SPAG16: variants seen among roughly 807,000 people sequenced by gnomAD.
SPAG16 encodes sperm associated antigen 16, also known as sperm-associated antigen 16 protein.
Under a neutral mutation model 80.4 loss-of-function variants are expected in SPAG16, and 86 were observed. The observed-to-expected ratio is 1.07, with a 90% CI of 0.90 to 1.28. SPAG16 has a LOEUF of 1.28. SPAG16 is among the 50% of genes most tolerant of loss of function. The pLI is 0.00. For synonymous variants in SPAG16, 294 were observed against 265.9 expected (o/e 1.11, Z -1.03); for missense variants, 870 against 765.3 (o/e 1.14, Z -1.61).
chr2:213,862,564 T>G lies in SPAG16; in HGVS notation c.1150T>G (p.Cys384Gly). The change falls in exon 11 of 16, where the codon TGC (cysteine) becomes GGC (glycine). Residue 384 changes from cysteine to glycine, a missense_variant. Cys to Gly is a radical substitution (Grantham distance 159, BLOSUM62 -3). Transcript: ENST00000331683. ...RLWKVLGLPK[C>G]NVLLTGFGHT... ...CTGGAAGGTGTTGGGCCTTCCAAAA[T>G]GCAATGTGCTTCTCACGGGATTTGG... 1.9e-6 allele frequency: 3 copies of G among 1,614,198 alleles called. No individual in the cohort carries two copies. Among genetic ancestry groups the G allele is most frequent in the Non-Finnish European group, 2.5e-6 (3 of 1,180,014 alleles).
At chr2:213,341,792 C>T (rs908178549) in intron 6 of SPAG16, among the ~76,000 whole-genome samples, 2 of 152,090 alleles carry the variant, frequency 1.3e-5, no homozygotes, top group Non-Finnish European at 1.5e-5. Flanking sequence ...CCTCTCAGAT[C>T]GGCCTCCCAA....
chr2:214,164,168 A>G (rs2056561358), intron 15 of SPAG16, among the ~76,000 whole-genome samples: 1 of 152,146 alleles, frequency 6.6e-6, no homozygotes, highest in Admixed American at 6.6e-5. Flanking sequence ...ATGAAAAAAT[A>G]TATCTGCTCT....
chr2:213,968,734 T>C (rs1335028181), intron 12 of SPAG16, among the ~76,000 whole-genome samples: 1 of 152,234 alleles, frequency 6.6e-6, no homozygotes, highest in Non-Finnish European at 1.5e-5. Context: ...AATCATTTCT[T>C]GATTTCTATG....
intron 15 of SPAG16, among the ~76,000 whole-genome samples, chr2:214,339,770 A>G (rs558141523): frequency 2.0e-5 from 3 of 152,316 alleles, no homozygotes; most frequent in Admixed American, 6.5e-5. Context: ...CAATTTGGGC[A>G]GAACTTGTGA....
intron 13 of SPAG16, among the ~76,000 whole-genome samples, chr2:214,029,392 A>G (rs1029721278): frequency 7.2e-5 from 11 of 152,018 alleles, no homozygotes; most frequent in African/African-American, 2.7e-4. Context: ...GATGACTGGC[A>G]TTTACTCAGG....
chr2:214,017,114 T>C (rs2047628988), intron 13 of SPAG16, among the ~76,000 whole-genome samples: 1 of 152,144 alleles, frequency 6.6e-6, no homozygotes, highest in Non-Finnish European at 1.5e-5. Context: ...ACTTCACATG[T>C]TGCAGAGATT....
rs982590211 is a variant in SPAG16 at position 214,191,414 on chromosome 2, T to C, written c.1720+42148T>C. 2.0e-5 allele frequency among the ~76,000 whole-genome samples: 3 copies of C among 151,684 alleles called. 1 individual carries two copies. The highest frequency in any genetic ancestry group is 4.4e-5 in the Non-Finnish European group (3 of 67,862). ...AAAGTGTGATGATGAAAACAGAAGT[T>C]AGAAAGGAAAAACCAGGGCCGGGCA... On this transcript the variant is annotated intron_variant, in intron 15 of 15. Transcript: ENST00000331683.
chr2:213,379,513 C>T (rs2067055622), intron 9 of SPAG16, among the ~76,000 whole-genome samples: 1 of 152,206 alleles, frequency 6.6e-6, no homozygotes, highest in African/African-American at 2.4e-5. Context: ...AGAGGCAATG[C>T]TGTGTGGAAC....
chr2:214,130,843 C>T (rs2054729239), intron 14 of SPAG16, among the ~76,000 whole-genome samples: 1 of 152,148 alleles, frequency 6.6e-6, no homozygotes, highest in South Asian at 2.1e-4. Flanking sequence ...AGGGAGAATG[C>T]ATCAATTTCA....
intron 5 of SPAG16, among the ~76,000 whole-genome samples, chr2:213,334,197 A>G (rs892795550): frequency 2.0e-5 from 3 of 152,252 alleles, no homozygotes; most frequent in African/African-American, 7.2e-5. Context: ...GCAAACAGGT[A>G]TATGAGAAGG....
intron 3 of SPAG16, 43 bp from the exon 4 acceptor site, chr2:213,310,016 C>T (rs529124142): frequency 6.3e-5 from 80 of 1,262,522 alleles, no homozygotes; most frequent in Non-Finnish European, 8.7e-5. Flanking sequence ...TTAATTAATG[C>T]TTTGATGTTT....
At chr2:213,597,025 C>A (rs60038353) in intron 10 of SPAG16, among the ~76,000 whole-genome samples, 2,284 of 152,212 alleles carry the variant, frequency 0.015, 98 homozygotes, top group East Asian at 0.11. Flanking sequence ...AAAGACATTA[C>A]AAGACACCAA....
intron 15 of SPAG16, among the ~76,000 whole-genome samples, chr2:214,266,205 G>A (rs768951406): frequency 2.0e-5 from 3 of 151,846 alleles, no homozygotes; most frequent in Non-Finnish European, 4.4e-5. Context: ...CTAGGGTAGC[G>A]AAGAGGCAGC....
At chr2:213,473,096 C>G (rs1247411815) in intron 9 of SPAG16, among the ~76,000 whole-genome samples, 3 of 152,160 alleles carry the variant, frequency 2.0e-5, no homozygotes, top group Non-Finnish European at 4.4e-5. Context: ...TTTGTCCCTT[C>G]TACGTAGAAG....
intron 8 of SPAG16, chr2:213,364,433 A>C (rs1222115633): frequency 5.6e-6 from 1 of 177,854 alleles, no homozygotes; most frequent in Non-Finnish European, 1.2e-5. Context: ...CTGTAAGATC[A>C]GACAACTACT....
chr2:213,985,619 A>C (rs982098143), intron 12 of SPAG16, among the ~76,000 whole-genome samples: 1 of 152,128 alleles, frequency 6.6e-6, no homozygotes, highest in Non-Finnish European at 1.5e-5. Context: ...CAAAAGCATC[A>C]AAGTCAAGTG....
At chr2:213,559,438 A>G (rs2059533031) in intron 10 of SPAG16, among the ~76,000 whole-genome samples, 1 of 152,184 alleles carries the variant, frequency 6.6e-6, no homozygotes, top group Non-Finnish European at 1.5e-5. Context: ...ATCTTACCGA[A>G]TGAAAAAAAT....
At chr2:214,193,427 G>GTGT (rs1491127730) in intron 15 of SPAG16, among the ~76,000 whole-genome samples, 2,240 of 74,376 alleles carry the variant, frequency 0.03, 9 homozygotes, top group Non-Finnish European at 0.041. Flanking sequence ...GTGTGTGTAT[G>GTGT]AGAGAGAGAG....
chr2:214,406,300 G>A (rs982824240), intron 15 of SPAG16, among the ~76,000 whole-genome samples: 3 of 152,044 alleles, frequency 2.0e-5, no homozygotes, highest in African/African-American at 4.8e-5. Context: ...AATGAAAATT[G>A]ATTGAAAAGT....
Sources: allele counts gnomAD v4.1 joint callset (sites outside exome capture counted in the v4.1 genomes callset), GRCh38; gene constraint gnomAD v4.1.1; transcripts MANE v1.5; gene names NCBI Gene and HGNC (gene_info 2026-07-23, HGNC 2026-07-21).